The following ABHD5 variants were observed in gnomAD, a reference collection of about 807,000 sequenced individuals.
The protein encoded by ABHD5 is abhydrolase domain containing 5, lysophosphatidic acid acyltransferase, also known as 1-acylglycerol-3-phosphate O-acyltransferase ABHD5.
ABHD5 carries 30 observed loss-of-function variants against 44.9 expected under a neutral mutation model. The observed-to-expected ratio is 0.67, with a 90% CI of 0.50 to 0.91. The LOEUF (loss-of-function observed/expected upper bound fraction) is 0.91, where lower values mean the gene tolerates loss of function less well. ABHD5 is among the 40% of genes least tolerant of loss of function. ABHD5 has a pLI of 0.00. For synonymous variants in ABHD5, 167 were observed against 147.0 expected, an observed-to-expected ratio of 1.14 and a Z score of -0.99; for missense variants, 399 against 423.4, an observed-to-expected ratio of 0.94 and a Z score of 0.50.
intron 1 of ABHD5, among the ~76,000 whole-genome samples, chr3:43,694,246 A>G (rs1446214101): frequency 6.8e-6 from 1 of 146,896 alleles, no homozygotes; most frequent in Non-Finnish European, 1.5e-5. Flanking sequence ...GCGACAGAGC[A>G]AGACTCCGTC....
At chr3:43,690,923 A>T (rs2084357813), upstream of ABHD5, 22 of 1,499,820 alleles carry the variant, frequency 1.5e-5, no homozygotes, top group Non-Finnish European at 1.8e-5. Context: ...GTGCCGCGCC[A>T]GCCCGGGGCG....
chr3:43,691,050 C>A lies in ABHD5; in HGVS notation c.47+11C>A. On this transcript the variant is annotated intron_variant, in intron 1 of 6. Coordinates refer to ENST00000644371, the MANE Select transcript of ABHD5 (RefSeq NM_016006.6). ...CGACACCGGAGAGAGGTAAGCGCAG[C>A]CGGCAGGGGGCTTCGTGTGTCTCCG... 6.5e-7 allele frequency: 1 copy of A among 1,548,382 alleles called. No individual in the cohort carries two copies. The highest frequency in any genetic ancestry group is 1.4e-5 in the African/African-American group (1 of 70,318).
intron 4 of ABHD5, among the ~76,000 whole-genome samples, chr3:43,713,322 CAAAAAAAAA>C (rs78532050): frequency 4.3e-5 from 2 of 46,902 alleles, no homozygotes; most frequent in East Asian, 6.6e-4. Flanking sequence ...GACCCTGTCT[CAAAAAAAAA>C]AAAAAAAAAA....
At position 43,721,491 on chromosome 3, in the gene ABHD5, C is replaced by G. The variant is rs1182459807; in HGVS notation, c.*2959C>G. ...GCTGTAATCCCAGCATTTTGGGAGG[C>G]TGAGGCAGAAGGACTGCTTGAGACC... On this transcript the variant is annotated 3_prime_UTR_variant, in exon 7 of 7. Transcript: ENST00000644371. 6.7e-6 allele frequency: 1 copy of G among 150,208 alleles called. No individual in the cohort carries two copies. The highest frequency in any genetic ancestry group is 6.7e-5 in the Admixed American group (1 of 14,942). The allele number at this position is 150,208 out of a possible 1,614,324, so 9.3% of individuals were successfully genotyped here.
At chr3:43,694,611 G>T (rs2084447306) in intron 1 of ABHD5, among the ~76,000 whole-genome samples, 1 of 152,126 alleles carries the variant, frequency 6.6e-6, no homozygotes, top group Admixed American at 6.5e-5. Context: ...TTTGTTTACT[G>T]TGTGAAGGAA....
Position 43,720,331 on chromosome 3 carries a change from A to G in ABHD5, c.*1799A>G, listed in dbSNP as rs1424729318. On this transcript the variant is annotated 3_prime_UTR_variant, in exon 7 of 7. Transcript: ENST00000644371. ...ATACAGGAAGGTTTTTGCACAGGAAATTTGGTCCCAGCCCTTGGAAGGAAG... is the reference window on the plus strand; with the variant it reads ...ATACAGGAAGGTTTTTGCACAGGAAGTTTGGTCCCAGCCCTTGGAAGGAAG... The G allele has an allele frequency of 6.6e-6, 1 of 152,204 alleles. No homozygotes were observed. Among genetic ancestry groups the G allele is most frequent in the East Asian group, 1.9e-4 (1 of 5,202 alleles). The allele number at this position is 152,204 out of a possible 1,614,324, so 9.4% of individuals were successfully genotyped here.
At chr3:43,718,257 T>C (rs1236866489) in intron 6 of ABHD5, among the ~76,000 whole-genome samples, 186 bp from the exon 7 acceptor site, 2 of 152,232 alleles carry the variant, frequency 1.3e-5, no homozygotes, top group African/African-American at 4.8e-5. Context: ...AGTAGATTTT[T>C]CTATTCTCAG....
intron 7 of ABHD5, among the ~76,000 whole-genome samples, chr3:43,732,956 C>T (rs1007303884): frequency 6.6e-6 from 1 of 152,244 alleles, no homozygotes; most frequent in African/African-American, 2.4e-5. Context: ...TGTCCATCTG[C>T]TGAAGGCCAC....
At chr3:43,691,125 G>A in intron 1 of ABHD5, 86 bp downstream of exon 1, 1 of 1,310,634 alleles carries the variant, frequency 7.6e-7, no homozygotes, top group Non-Finnish European at 9.8e-7. Flanking sequence ...GCAGCACCAA[G>A]GAGTCGCCGC....
rs2084798406 is a variant in ABHD5 at position 43,718,615 on chromosome 3, A to C, written c.*83A>C. 3 of 1,305,876 alleles carry C rather than the reference A, an allele frequency of 2.3e-6. No individual in the cohort carries two copies. The highest frequency in any genetic ancestry group is 1.7e-5 in the Admixed American group (1 of 59,174). The allele number at this position is 1,305,876 out of a possible 1,614,324, so 80.9% of individuals were successfully genotyped here. A position where few individuals can be genotyped will look rare whatever the true frequency, so the allele number is the denominator to read the frequency against. On this transcript the variant is annotated 3_prime_UTR_variant, in exon 7 of 7. Transcript: ENST00000644371. Reference sequence around the variant, plus strand: ...TCATAGTCTGTGATGAAGAGTAGTGAATACAACACACAACCAGGCAGCCTT... The same window carrying C: ...TCATAGTCTGTGATGAAGAGTAGTGCATACAACACACAACCAGGCAGCCTT...
At chr3:43,692,141 G>A (rs918913046) in intron 1 of ABHD5, among the ~76,000 whole-genome samples, 2 of 152,156 alleles carry the variant, frequency 1.3e-5, no homozygotes, top group Non-Finnish European at 2.9e-5. Flanking sequence ...TCAGACGTCT[G>A]GAGAAATTTG....
rs779620316 is a variant in ABHD5 at position 43,711,868 on chromosome 3, G to A, written c.661+5G>A. 1 of 1,614,138 alleles carries A rather than the reference G, an allele frequency of 6.2e-7. No individual in the cohort carries two copies. Among genetic ancestry groups the A allele is most frequent in the South Asian group, 1.1e-5 (1 of 91,086 alleles). ...TAAGGATTGCAGGACCCTTTGGTGA[G>A]TGCTTATGTTCTAGGAAAGCAAAAT... On this transcript the variant is annotated splice_donor_5th_base_variant and intron_variant, in intron 4 of 6. Coordinates refer to ENST00000644371, the MANE Select transcript of ABHD5 (RefSeq NM_016006.6).
chr3:43,727,758 G>A (rs1180630828), intron 7 of ABHD5, among the ~76,000 whole-genome samples: 5 of 152,096 alleles, frequency 3.3e-5, no homozygotes, highest in Non-Finnish European at 4.4e-5. Flanking sequence ...ATAGGCATGC[G>A]CCACCATGCC....
chr3:43,712,614 G>A lies in ABHD5; in HGVS notation c.661+751G>A, dbSNP rs540926775. Among the ~76,000 whole-genome samples the A allele has an allele frequency of 2.2e-4, 33 of 152,234 alleles. No individual in the cohort carries two copies. In the South Asian group the frequency reaches 6.6e-3, roughly 31 times the overall value. ...TTGTAAGTAACTGAATACCCAAGAG[G>A]CTTAAACTAGAAGGACTTTTATTAT... On this transcript the variant is annotated intron_variant, in intron 4 of 6. Transcript: ENST00000644371.
chr3:43,728,988 A>G (rs2084896394), intron 7 of ABHD5, among the ~76,000 whole-genome samples: 1 of 152,232 alleles, frequency 6.6e-6, no homozygotes, highest in African/African-American at 2.4e-5. Flanking sequence ...GGTTTCTAAC[A>G]TGTTTGCTGG....
intron 7 of ABHD5, among the ~76,000 whole-genome samples, chr3:43,731,883 G>A (rs1289736248): frequency 6.6e-6 from 1 of 151,988 alleles, no homozygotes; most frequent in Non-Finnish European, 1.5e-5. Context: ...AAGAATTTCA[G>A]GATGGCAACT....
At chr3:43,716,065 A>G (rs969747015) in intron 5 of ABHD5, among the ~76,000 whole-genome samples, 3 of 152,168 alleles carry the variant, frequency 2.0e-5, no homozygotes, top group Non-Finnish European at 4.4e-5. Context: ...AGAGGGCCAA[A>G]TGTATGTTTT....
intron 2 of ABHD5, among the ~76,000 whole-genome samples, chr3:43,700,577 T>A (rs1575600393): frequency 8.7e-6 from 1 of 115,128 alleles, no homozygotes. Flanking sequence ...CTTTCATGAA[T>A]TTTTTTTTTT....
intron 3 of ABHD5, among the ~76,000 whole-genome samples, chr3:43,703,868 A>G (rs2084579617): frequency 6.6e-6 from 1 of 151,978 alleles, no homozygotes; most frequent in African/African-American, 2.4e-5. Flanking sequence ...CTTTTTCTCT[A>G]TAGACTCTTT....
Sources: allele counts gnomAD v4.1 joint callset (sites outside exome capture counted in the v4.1 genomes callset), GRCh38; gene constraint gnomAD v4.1.1; transcripts MANE v1.5; gene names NCBI Gene and HGNC (gene_info 2026-07-23, HGNC 2026-07-21).